The following LRRCC1 variants were observed in gnomAD, a reference collection of about 807,000 sequenced individuals.
LRRCC1 encodes leucine-rich repeat and coiled-coil domain-containing protein 1.
LRRCC1 carries 115 observed loss-of-function variants against 126.0 expected under a neutral mutation model. The ratio of observed to expected loss-of-function variants is 0.91; its 90% CI spans 0.78 to 1.07. The LOEUF is 1.07. LRRCC1 is among the 50% of genes least tolerant of loss of function. The probability of loss-of-function intolerance (pLI) is 0.00; values close to 1 mark genes in which losing one functional copy is unlikely to be tolerated. For missense variants in LRRCC1, 1,172 were observed against 1,175.7 expected, an observed-to-expected ratio of 1.00 and a Z score of 0.05; for synonymous variants, 400 against 393.4, an observed-to-expected ratio of 1.02 and a Z score of -0.20.
Position 85,115,264 on chromosome 8 carries a change from A to G in LRRCC1, c.709A>G (p.Ser237Gly). The part of the protein sequence containing the change: ...LVSSDSPLNI[S>G]EDEIIDRMPV... ...TTCTTCTGATTCTCCCCTAAATATA[A>G]GTGAAGATGAGGTATAGTATTTACT... is the stretch of plus-strand genomic sequence containing the variant. Residue 237 changes from serine to glycine, a missense_variant, in exon 5 of 19, where the codon AGT becomes GGT. Physicochemically the swap from Ser to Gly is moderately conservative, Grantham distance 56. Coordinates refer to ENST00000360375, the MANE Select transcript of LRRCC1 (RefSeq NM_033402.5). The G allele has an allele frequency of 6.2e-7, 1 of 1,602,504 alleles. No individual in the cohort carries two copies. The highest frequency in any genetic ancestry group is 8.5e-7 in the Non-Finnish European group (1 of 1,174,126).
At chr8:85,124,518 A>C (rs545341442) in intron 7 of LRRCC1, among the ~76,000 whole-genome samples, 2 of 152,264 alleles carry the variant, frequency 1.3e-5, no homozygotes, top group South Asian at 4.1e-4. Context: ...TACTTTTTAA[A>C]TTATTCTGAT....
chr8:85,129,826 A>C, intron 10 of LRRCC1, 93 bp from the exon 11 acceptor site: 1 of 948,240 alleles, frequency 1.1e-6, no homozygotes, highest in Non-Finnish European at 1.5e-6. Flanking sequence ...TAGTCACCGG[A>C]CACTGTCATT....
chr8:85,137,924 T>A (rs1810985550), intron 15 of LRRCC1, 111 bp from the exon 16 acceptor site: 1 of 624,682 alleles, frequency 1.6e-6, no homozygotes, highest in Non-Finnish European at 2.7e-6. Flanking sequence ...AAAATGAACA[T>A]TTTATATGTT....
At position 85,124,895 on chromosome 8, in the gene LRRCC1, A is replaced by G; in HGVS notation, c.1228A>G (p.Ile410Val). The change falls in exon 8 of 19, where the codon ATA becomes GTA. Residue 410 changes from isoleucine (I) to valine (V), a missense_variant. Coordinates refer to ENST00000360375, the MANE Select transcript of LRRCC1 (RefSeq NM_033402.5). ...AGAATCAGAAAAGCCAAAGACTGAA[A>G]TAATTAAAGTAGACCAAAGTCACTC... ...LQESEKPKTE[I>V]IKVDQSHSED... The G allele has an allele frequency of 6.2e-7, 1 of 1,609,048 alleles. No individual in the cohort carries two copies.
chr8:85,136,985 C>T (rs531923303), intron 14 of LRRCC1, among the ~76,000 whole-genome samples: 16 of 150,850 alleles, frequency 1.1e-4, no homozygotes, highest in South Asian at 4.2e-4. Context: ...CCACTATGCC[C>T]GGCTAATTTT....
chr8:85,144,400 A>G (rs1811475090), intron 18 of LRRCC1, among the ~76,000 whole-genome samples: 1 of 86,920 alleles, frequency 1.2e-5, no homozygotes, highest in South Asian at 3.5e-4. Context: ...AATAGAGTTA[A>G]AATGTGTGTG....
At chr8:85,119,346 G>A (rs1809348545) in intron 6 of LRRCC1, among the ~76,000 whole-genome samples, 2 of 151,952 alleles carry the variant, frequency 1.3e-5, no homozygotes, top group African/African-American at 2.4e-5. Context: ...TGTTTGCCTT[G>A]ATCAGTTTAG....
intron 6 of LRRCC1, among the ~76,000 whole-genome samples, chr8:85,115,920 G>A (rs753428219): frequency 2.6e-5 from 4 of 152,052 alleles, no homozygotes; most frequent in Non-Finnish European, 4.4e-5. Flanking sequence ...GTTACTTAAC[G>A]CAAAGGAATA....
intron 3 of LRRCC1, among the ~76,000 whole-genome samples, chr8:85,110,585 A>G (rs770813982): frequency 6.6e-6 from 1 of 152,240 alleles, no homozygotes; most frequent in Non-Finnish European, 1.5e-5. Flanking sequence ...CTTGAAATGT[A>G]GCTAGTGCAA....
At chr8:85,119,087 A>G (rs992752062) in intron 6 of LRRCC1, among the ~76,000 whole-genome samples, 3 of 152,080 alleles carry the variant, frequency 2.0e-5, no homozygotes, top group African/African-American at 7.2e-5. Flanking sequence ...TCTTTTCACT[A>G]AATTTCTTTA....
intron 13 of LRRCC1, among the ~76,000 whole-genome samples, chr8:85,135,396 T>C (rs1563953893): frequency 1.3e-5 from 2 of 152,180 alleles, no homozygotes; most frequent in African/African-American, 4.8e-5. Flanking sequence ...GTTTTAGATA[T>C]ACTTAGATGT....
rs192590704 is a variant in LRRCC1, at chr8:85,129,170, T to C, written c.1422-5T>C. The C allele has an allele frequency of 1.3e-6, 2 of 1,597,300 alleles. No individual in the cohort carries two copies. Among genetic ancestry groups the C allele is most frequent in the Admixed American group, 3.4e-5 (2 of 58,290 alleles). On this transcript the variant is annotated splice_region_variant and splice_polypyrimidine_tract_variant and intron_variant, in intron 9 of 18. Transcript: ENST00000360375. ...ACTTAACACCACATATAACTTCTGC[T>C]TTAGGCTAAAGGAAATTATTTTTAG...
intron 17 of LRRCC1, among the ~76,000 whole-genome samples, chr8:85,140,664 A>T (rs1422172124): frequency 6.6e-6 from 1 of 152,230 alleles, no homozygotes; most frequent in Non-Finnish European, 1.5e-5. Context: ...TCAAAAATAC[A>T]TATTCATAAA....
intron 9 of LRRCC1, 52 bp from the exon 10 acceptor site, chr8:85,129,123 A>G: frequency 7.5e-7 from 1 of 1,325,090 alleles, no homozygotes; most frequent in South Asian, 1.3e-5. Context: ...CAACAATTTT[A>G]TCATTTTTAT....
At chr8:85,139,327 C>T (rs1199699505) in intron 17 of LRRCC1, among the ~76,000 whole-genome samples, 5 of 152,002 alleles carry the variant, frequency 3.3e-5, no homozygotes, top group South Asian at 2.1e-4. Context: ...TGCAATGGCA[C>T]GATCTGGGCT....
chr8:85,115,929 T>A (rs976802774), intron 6 of LRRCC1, among the ~76,000 whole-genome samples: 1 of 152,232 alleles, frequency 6.6e-6, no homozygotes, highest in African/African-American at 2.4e-5. Flanking sequence ...CGCAAAGGAA[T>A]ACTTTGGCCT....
intron 16 of LRRCC1, 44 bp downstream of exon 16, chr8:85,138,287 C>T (rs1811014860): frequency 2.5e-6 from 4 of 1,577,662 alleles, no homozygotes; most frequent in Non-Finnish European, 3.4e-6. Context: ...TAAAATGTGG[C>T]TTAATAATTT....
intron 9 of LRRCC1, among the ~76,000 whole-genome samples, chr8:85,128,888 T>C (rs560741597): frequency 6.6e-6 from 1 of 152,316 alleles, no homozygotes; most frequent in African/African-American, 2.4e-5. Flanking sequence ...TCAATTGATA[T>C]TGATATCATC....
In LRRCC1 at chr8:85,115,589, C is replaced by G; in HGVS notation, c.930+5C>G. ...ATTCTACAACTTCTAAATGAAGTAACTATTTTTCCTACTTCTCTATAGACA... is the reference window on the plus strand; with the variant it reads ...ATTCTACAACTTCTAAATGAAGTAAGTATTTTTCCTACTTCTCTATAGACA... On this transcript the variant is annotated splice_donor_5th_base_variant and intron_variant, in intron 6 of 18. Coordinates refer to ENST00000360375, the MANE Select transcript of LRRCC1 (RefSeq NM_033402.5). 1 of 1,533,892 alleles carries G rather than the reference C, an allele frequency of 6.5e-7. No homozygotes were observed. Among genetic ancestry groups the G allele is most frequent in the South Asian group, 1.1e-5 (1 of 87,826 alleles).
Sources: gnomAD v4.1 joint callset for allele counts (sites outside exome capture counted in the v4.1 genomes callset) on GRCh38, gnomAD v4.1.1 for gene constraint, MANE v1.5 for transcripts, NCBI Gene and HGNC (gene_info 2026-07-23, HGNC 2026-07-21) for gene names.